The following PDE11A variants were observed in gnomAD, a reference collection of about 807,000 sequenced individuals.
PDE11A encodes dual 3',5'-cyclic-AMP and -GMP phosphodiesterase 11A.
PDE11A carries 100 observed loss-of-function variants against 100.5 expected under a neutral mutation model. The observed-to-expected ratio is 1.00, with a 90% CI of 0.85 to 1.18. The LOEUF is 1.18. PDE11A is among the 50% of genes most tolerant of loss of function. The pLI, the probability that PDE11A is intolerant of heterozygous loss-of-function variation, is 0.00. For synonymous variants in PDE11A, 381 were observed against 420.8 expected, an observed-to-expected ratio of 0.91 and a Z score of 1.16; for missense variants, 1,141 against 1,152.6, an observed-to-expected ratio of 0.99 and a Z score of 0.15.
At chr2:177,819,914 CTTTTTTTT>C (rs11409979) in intron 7 of PDE11A, among the ~76,000 whole-genome samples, 7 of 142,356 alleles carry the variant, frequency 4.9e-5, no homozygotes, top group African/African-American at 1.4e-4. Context: ...CTCTCTCTGG[CTTTTTTTT>C]TCACTCTCTG....
intron 9 of PDE11A, among the ~76,000 whole-genome samples, chr2:177,771,501 T>C (rs962253379): frequency 1.3e-5 from 2 of 152,138 alleles, no homozygotes; most frequent in African/African-American, 4.8e-5. Context: ...CTTGGGCAAG[T>C]GGTTTAATCT....
intron 9 of PDE11A, among the ~76,000 whole-genome samples, chr2:177,814,776 G>T (rs1336686405): frequency 6.6e-6 from 1 of 152,148 alleles, no homozygotes; most frequent in African/African-American, 2.4e-5. Flanking sequence ...TGGGTAAAGA[G>T]ACTGGGGCCA....
At chr2:177,831,360 T>C (rs2083305636) in intron 6 of PDE11A, among the ~76,000 whole-genome samples, 1 of 152,246 alleles carries the variant, frequency 6.6e-6, no homozygotes. Flanking sequence ...ATTCTCTTGC[T>C]GCATATCTTG....
At chr2:177,718,630 T>C (rs1255116748) in intron 12 of PDE11A, among the ~76,000 whole-genome samples, 1 of 152,224 alleles carries the variant, frequency 6.6e-6, no homozygotes, top group African/African-American at 2.4e-5. Context: ...ATATCTCAAC[T>C]TTATAAAATG....
At chr2:177,769,011 G>A (rs1407220204) in intron 10 of PDE11A, among the ~76,000 whole-genome samples, 1 of 152,174 alleles carries the variant, frequency 6.6e-6, no homozygotes, top group African/African-American at 2.4e-5. Context: ...CAGCAAGTTA[G>A]AGGTAAAACT....
At chr2:178,071,406 T>C (rs1030791061) in intron 1 of PDE11A, 120 bp downstream of exon 1, 13 of 1,258,512 alleles carry the variant, frequency 1.0e-5, no homozygotes, top group Non-Finnish European at 1.4e-5. Context: ...GGAATTTAAA[T>C]AGCAAAATTT....
At chr2:177,903,506 T>A (rs1224804053) in intron 3 of PDE11A, among the ~76,000 whole-genome samples, 1 of 152,226 alleles carries the variant, frequency 6.6e-6, no homozygotes, top group African/African-American at 2.4e-5. Flanking sequence ...GGGAACTACA[T>A]AATCAATACT....
chr2:177,681,599 A>C (rs189375165), intron 15 of PDE11A, among the ~76,000 whole-genome samples: 67 of 152,344 alleles, frequency 4.4e-4, no homozygotes, highest in African/African-American at 1.4e-3. Flanking sequence ...CAACATTTTA[A>C]GTGCTTGACA....
At chr2:178,000,043 A>G (rs902964208) in intron 2 of PDE11A, among the ~76,000 whole-genome samples, 1 of 152,182 alleles carries the variant, frequency 6.6e-6, no homozygotes, top group Non-Finnish European at 1.5e-5. Context: ...TATGCAGAAT[A>G]TGAAAGGGGT....
At chr2:177,768,860 G>T (rs1401795463) in intron 10 of PDE11A, among the ~76,000 whole-genome samples, 5 of 152,196 alleles carry the variant, frequency 3.3e-5, no homozygotes. Context: ...TCACAGGATT[G>T]TGAGGATTAA....
intron 2 of PDE11A, among the ~76,000 whole-genome samples, chr2:177,934,352 G>A (rs1275210887): frequency 6.6e-6 from 1 of 152,152 alleles, no homozygotes; most frequent in Admixed American, 6.6e-5. Flanking sequence ...CTCAGAAGAA[G>A]ACATACAAGT....
At chr2:177,909,405 G>T (rs534887643) in intron 2 of PDE11A, among the ~76,000 whole-genome samples, 1 of 152,204 alleles carries the variant, frequency 6.6e-6, no homozygotes, top group African/African-American at 2.4e-5. Flanking sequence ...AGAGCCGCCC[G>T]ACTGCCTTCT....
chr2:178,040,630 A>G (rs958189698), intron 1 of PDE11A, among the ~76,000 whole-genome samples: 6 of 152,218 alleles, frequency 3.9e-5, no homozygotes, highest in African/African-American at 1.4e-4. Context: ...TAATAGGAAC[A>G]CTGTGGCTAA....
chr2:178,031,406 T>G (rs572953402), intron 1 of PDE11A, among the ~76,000 whole-genome samples: 2 of 152,292 alleles, frequency 1.3e-5, no homozygotes, highest in African/African-American at 4.8e-5. Flanking sequence ...TTGCAGATGA[T>G]ATGATTGCTT....
chr2:177,850,331 T>C lies in PDE11A; in HGVS notation c.1368-9948A>G, dbSNP rs573130564. ...TGGTGCTGGGAAAACTGGCTAGACA[T>C]ATGTAGAAAGCTGAAACTGGATCCC... On this transcript the variant is annotated intron_variant, in intron 5 of 19. Coordinates refer to ENST00000286063, the MANE Select transcript of PDE11A (RefSeq NM_016953.4). Among the ~76,000 whole-genome samples, 112 of 152,266 alleles carry C rather than the reference T, an allele frequency of 7.4e-4. No homozygotes were observed. The Middle Eastern group carries it at 0.017, about 23-fold the overall frequency.
chr2:177,746,992 G>T (rs1490418051), intron 10 of PDE11A, among the ~76,000 whole-genome samples: 1 of 152,176 alleles, frequency 6.6e-6, no homozygotes, highest in Non-Finnish European at 1.5e-5. Flanking sequence ...AAAAACTGAG[G>T]ATAGAGGCAG....
chr2:177,753,884 A>G (rs1224263389), intron 10 of PDE11A, among the ~76,000 whole-genome samples: 4 of 151,766 alleles, frequency 2.6e-5, no homozygotes, highest in South Asian at 2.1e-4. Flanking sequence ...GGATGAAAGC[A>G]TTGCTTCATC....
At chr2:177,750,082 ATAGT>A (rs1317883833) in intron 10 of PDE11A, among the ~76,000 whole-genome samples, 6 of 152,248 alleles carry the variant, frequency 3.9e-5, no homozygotes, top group Non-Finnish European at 8.8e-5. Context: ...AGGCAGTTAG[ATAGT>A]TAGTACATCG....
At chr2:177,658,150 A>G (rs1307810346) in intron 19 of PDE11A, among the ~76,000 whole-genome samples, 2 of 152,206 alleles carry the variant, frequency 1.3e-5, no homozygotes, top group Admixed American at 1.3e-4. Context: ...GAAAGACCCA[A>G]CAGGCAAGAT....
Sources: allele counts gnomAD v4.1 joint callset (sites outside exome capture counted in the v4.1 genomes callset), GRCh38; gene constraint gnomAD v4.1.1; transcripts MANE v1.5; gene names NCBI Gene and HGNC (gene_info 2026-07-23, HGNC 2026-07-21).